LYPD6: variants seen among roughly 807,000 people sequenced by gnomAD.
The protein encoded by LYPD6 is ly6/PLAUR domain-containing protein 6.
Under a neutral mutation model 22.7 loss-of-function variants are expected in LYPD6, and 15 were observed. That is an observed-to-expected ratio of 0.66 (90% CI 0.44 to 1.02). The LOEUF (loss-of-function observed/expected upper bound fraction) is 1.02, where lower values mean the gene tolerates loss of function less well. Among genes scored for constraint, LYPD6 ranks in the 50% least tolerant of loss-of-function variants. LYPD6 has a pLI of 0.00. For synonymous variants in LYPD6, 72 were observed against 77.5 expected (o/e 0.93, Z 0.37); for missense variants, 189 against 208.4 (o/e 0.91, Z 0.57).
chr2:149,462,182 A>C (rs1681101740), intron 3 of LYPD6, among the ~76,000 whole-genome samples: 1 of 152,022 alleles, frequency 6.6e-6, no homozygotes. Context: ...CTAATAAATG[A>C]GTTCAGCAAG....
At chr2:149,337,095 G>A (rs559957725) in intron 1 of LYPD6, among the ~76,000 whole-genome samples, 1 of 152,220 alleles carries the variant, frequency 6.6e-6, no homozygotes, top group African/African-American at 2.4e-5. Context: ...AGTTATAGAA[G>A]CATTGCTGAT....
At chr2:149,377,781 A>ACCCCCC (rs70994571) in intron 1 of LYPD6, among the ~76,000 whole-genome samples, 16 of 94,316 alleles carry the variant, frequency 1.7e-4, no homozygotes, top group Admixed American at 4.5e-4. Context: ...CTTTGTCCCC[A>ACCCCCC]CCCCCCCCCC....
At chr2:149,404,961 C>G (rs1183549060) in intron 1 of LYPD6, among the ~76,000 whole-genome samples, 5 of 152,124 alleles carry the variant, frequency 3.3e-5, no homozygotes, top group Admixed American at 3.3e-4. Context: ...TGAATTTTGT[C>G]AAAGGCCTTT....
chr2:149,393,465 A>C lies in LYPD6; in HGVS notation c.-71-44173A>C, dbSNP rs1376987179. On this transcript the variant is annotated intron_variant, in intron 1 of 4. Coordinates refer to ENST00000334166, the MANE Select transcript of LYPD6 (RefSeq NM_194317.5). ...ACAATTACAGAAGCATACATTTTGA[A>C]AGTAAATAGCCTCATAGTTGTTCTT... Among the ~76,000 whole-genome samples the C allele has an allele frequency of 2.0e-5, 3 of 152,238 alleles. No homozygotes were observed. The East Asian group carries it at 5.8e-4, about 29-fold the overall frequency.
rs1681349792 is a variant in LYPD6, at chr2:149,472,111, T to G, written c.*1261T>G. ...CCTTGTAAATAATTTAAACAGTATTTATTTTTGTAAGGCATAACTAGAAAC... is the reference window on the plus strand; with the variant it reads ...CCTTGTAAATAATTTAAACAGTATTGATTTTTGTAAGGCATAACTAGAAAC... On this transcript the variant is annotated 3_prime_UTR_variant, in exon 5 of 5. Transcript: ENST00000334166. 2.0e-5 allele frequency: 3 copies of G among 152,270 alleles called. No individual in the cohort carries two copies. The South Asian group carries it at 6.2e-4, about 32-fold the overall frequency. 9.4% of individuals were successfully genotyped at this position (152,270 alleles called of 1,614,324 possible).
Position 149,388,177 on chromosome 2 carries a change from TC to T in LYPD6, c.-71-49460del, listed in dbSNP as rs1559134051. On this transcript the variant is annotated intron_variant, in intron 1 of 4. Coordinates refer to ENST00000334166, the MANE Select transcript of LYPD6 (RefSeq NM_194317.5). ...GTAACTACCTTTCTTTCTCTCTCTC[TC>T]TCTTTTTTTTTTTTTTGGTCTAAGT... Among the ~76,000 whole-genome samples, 309 of 145,656 alleles carry T rather than the reference TC, an allele frequency of 2.1e-3. 4 individuals carry two copies. The highest frequency in any genetic ancestry group is 4.0e-3 in the South Asian group (19 of 4,708).
At chr2:149,336,162 T>C (rs62190574) in intron 1 of LYPD6, among the ~76,000 whole-genome samples, 11,348 of 152,228 alleles carry the variant, frequency 0.075, 448 homozygotes, top group East Asian at 0.14. Flanking sequence ...TGGAGATCAA[T>C]AGGTATATCT....
At chr2:149,446,735 C>T (rs1037890804) in intron 2 of LYPD6, among the ~76,000 whole-genome samples, 6 of 152,052 alleles carry the variant, frequency 3.9e-5, no homozygotes, top group East Asian at 1.9e-4. Flanking sequence ...TAAAAAGTTC[C>T]GATTACTTGT....
chr2:149,448,647 T>G lies in LYPD6; in HGVS notation c.119-402T>G, dbSNP rs113098470. 2.5e-3 allele frequency among the ~76,000 whole-genome samples: 374 copies of G among 152,316 alleles called. 1 individual carries two copies. The highest frequency in any genetic ancestry group is 8.5e-3 in the African/African-American group (353 of 41,566). ...CAATATATAACGTTTTGGGATGGGC[T>G]TTATTCACTCCAAATAATTTCCTGG... On this transcript the variant is annotated intron_variant, in intron 2 of 4. Transcript: ENST00000334166.
Position 149,442,644 on chromosome 2 carries a change from TAAA to T in LYPD6, c.118+4832_118+4834del, listed in dbSNP as rs58308962. 7.1e-3 allele frequency among the ~76,000 whole-genome samples: 1,008 copies of T among 141,014 alleles called. 12 individuals are homozygous for T. The highest frequency in any genetic ancestry group is 0.024 in the African/African-American group (935 of 39,392). The allele number at this position is 141,014 out of a possible 152,430, so 92.5% of individuals were successfully genotyped here. ...CTCTTAGGAACCTCTTTCCGTCCTT[TAAA>T]AAAAAAAAAAAAACCTCTTTATCAG... On this transcript the variant is annotated intron_variant, in intron 2 of 4. Transcript: ENST00000334166.
intron 1 of LYPD6, among the ~76,000 whole-genome samples, chr2:149,412,716 T>C (rs1682878241): frequency 6.6e-6 from 1 of 152,156 alleles, no homozygotes; most frequent in South Asian, 2.1e-4. Flanking sequence ...AATATTATCG[T>C]TGGAAGCCAA....
At chr2:149,440,909 G>C (rs1481246170) in intron 2 of LYPD6, among the ~76,000 whole-genome samples, 1 of 151,338 alleles carries the variant, frequency 6.6e-6, no homozygotes, top group Non-Finnish European at 1.5e-5. Flanking sequence ...GTTTCACCGT[G>C]TTAGCCAGGA....
At chr2:149,391,274 G>T (rs749099925) in intron 1 of LYPD6, among the ~76,000 whole-genome samples, 6 of 152,156 alleles carry the variant, frequency 3.9e-5, no homozygotes, top group Admixed American at 6.5e-5. Flanking sequence ...TTGAGTGGGG[G>T]AACCACTTGT....
chr2:149,417,950 T>A (rs1221560376), intron 1 of LYPD6, among the ~76,000 whole-genome samples: 1 of 152,212 alleles, frequency 6.6e-6, no homozygotes, highest in Non-Finnish European at 1.5e-5. Flanking sequence ...AATCTGAAAT[T>A]TGTGATTCAT....
intron 1 of LYPD6, among the ~76,000 whole-genome samples, chr2:149,400,380 G>A (rs1029434321): frequency 1.3e-5 from 2 of 152,198 alleles, no homozygotes; most frequent in African/African-American, 4.8e-5. Context: ...TCTTGAGACT[G>A]GTGACTGTAT....
In LYPD6 at chr2:149,470,919, C is replaced by A; in HGVS notation, c.*69C>A. 7.1e-7 allele frequency: 1 copy of A among 1,411,474 alleles called. No homozygotes were observed. Among genetic ancestry groups the A allele is most frequent in the Non-Finnish European group, 9.8e-7 (1 of 1,019,174 alleles). The allele number at this position is 1,411,474 out of a possible 1,614,324, so 87.4% of individuals were successfully genotyped here. A position where few individuals can be genotyped will look rare whatever the true frequency, so the allele number is the denominator to read the frequency against. ...CGATGGTCCACAGACCTGCATGAGT[C>A]ATTGGCCTGACAGTAATTACACATG... On this transcript the variant is annotated 3_prime_UTR_variant, in exon 5 of 5. Coordinates refer to ENST00000334166, the MANE Select transcript of LYPD6 (RefSeq NM_194317.5).
chr2:149,338,533 A>G (rs1386642415), intron 1 of LYPD6, among the ~76,000 whole-genome samples: 1 of 152,124 alleles, frequency 6.6e-6, no homozygotes, highest in Non-Finnish European at 1.5e-5. Flanking sequence ...TTTATAAAAG[A>G]GGTTGAAAGG....
At chr2:149,330,567 G>C (rs1305622392), upstream of LYPD6, 1 of 150,804 alleles carries the variant, frequency 6.6e-6, no homozygotes, top group African/African-American at 2.4e-5. Flanking sequence ...GCCGCCCCCC[G>C]CCTCTCCCCG....
intron 1 of LYPD6, among the ~76,000 whole-genome samples, chr2:149,369,391 G>T (rs531150781): frequency 4.6e-5 from 7 of 152,174 alleles, no homozygotes; most frequent in South Asian, 4.1e-4. Flanking sequence ...TTCCTCCATT[G>T]CTCTGTGTGG....
Sources: allele counts gnomAD v4.1 joint callset (sites outside exome capture counted in the v4.1 genomes callset), GRCh38; gene constraint gnomAD v4.1.1; transcripts MANE v1.5; gene names NCBI Gene and HGNC (gene_info 2026-07-23, HGNC 2026-07-21).